DCAF8L2: variants seen among roughly 807,000 people sequenced by gnomAD.
DCAF8L2 encodes DDB1 and CUL4 associated factor 8 like 2, also known as DDB1- and CUL4-associated factor 8-like protein 2.
For synonymous variants in DCAF8L2, 200 were observed against 190.9 expected (o/e 1.05, Z -0.39); for missense variants, 430 against 490.7 (o/e 0.88, Z 1.17).
intron 2 of DCAF8L2, 48 bp from the exon 3 acceptor site, chrX:27,677,788 A>C (rs1414718447): frequency 8.9e-6 from 1 of 111,842 alleles, no homozygotes; most frequent in Non-Finnish European, 1.9e-5. Context: ...ACAGTAGATT[A>C]TCATAACCTT....
the DCAF8L2 span, among the ~76,000 whole-genome samples, chrX:27,552,604 C>T: frequency 2.4e-4 from 27 of 111,662 alleles, no homozygotes; most frequent in Non-Finnish European, 3.0e-4. Flanking sequence ...TCAGTTGGCT[C>T]TAGATACATG....
the DCAF8L2 span, among the ~76,000 whole-genome samples, chrX:27,537,578 T>G: frequency 8.9e-6 from 1 of 112,460 alleles, no homozygotes; most frequent in Non-Finnish European, 1.9e-5. Context: ...CCATTCATAA[T>G]CTGGCAAAGG....
chrX:27,591,657 T>A (rs1054311023), intron 1 of DCAF8L2, among the ~76,000 whole-genome samples: 5 of 111,972 alleles, frequency 4.5e-5, no homozygotes, highest in African/African-American at 1.6e-4. Flanking sequence ...AATATCTATA[T>A]CTGGAAAGCA....
intron 3 of DCAF8L2, among the ~76,000 whole-genome samples, chrX:27,688,193 T>C (rs2147250577): frequency 8.9e-6 from 1 of 112,085 alleles, no homozygotes; most frequent in South Asian, 3.7e-4. Context: ...AAAAATAGAA[T>C]GGGCTCATGA....
chrX:27,480,157 A>G, the DCAF8L2 span, among the ~76,000 whole-genome samples: 1 of 112,496 alleles, frequency 8.9e-6, no homozygotes, highest in Non-Finnish European at 1.9e-5. Flanking sequence ...AAATATATTT[A>G]TTCAACACAT....
At chrX:27,719,868 T>C (rs772801901) in intron 4 of DCAF8L2, among the ~76,000 whole-genome samples, 36 of 112,125 alleles carry the variant, frequency 3.2e-4, no homozygotes, top group African/African-American at 1.1e-3. Context: ...TCAATTTTGT[T>C]TCCTAAACCA....
chrX:27,584,722 C>T, the DCAF8L2 span, among the ~76,000 whole-genome samples: 7 of 111,685 alleles, frequency 6.3e-5, no homozygotes, highest in African/African-American at 9.8e-5. Context: ...CACATGTGCA[C>T]AGACCCACAC....
At chrX:27,533,479 TTAAGA>T in the DCAF8L2 span, among the ~76,000 whole-genome samples, 3 of 111,562 alleles carry the variant, frequency 2.7e-5, no homozygotes, top group African/African-American at 9.8e-5. Flanking sequence ...TTACATAGTA[TTAAGA>T]TATTTATTAA....
At chrX:27,519,821 T>A in the DCAF8L2 span, 1 of 378,516 alleles carries the variant, frequency 2.6e-6, no homozygotes, top group Non-Finnish European at 4.7e-6. Context: ...AATTATCATG[T>A]CATCTATAAA....
chrX:27,547,859 C>T, the DCAF8L2 span, among the ~76,000 whole-genome samples: 1 of 53,138 alleles, frequency 1.9e-5, no homozygotes, highest in African/African-American at 5.8e-5. Flanking sequence ...CTCTCTCTCT[C>T]TCTCTCTCTC....
At chrX:27,536,092 C>T in the DCAF8L2 span, among the ~76,000 whole-genome samples, 1 of 111,762 alleles carries the variant, frequency 8.9e-6, no homozygotes, top group African/African-American at 3.2e-5. Context: ...ATACTACCTC[C>T]ATAAATATGG....
At chrX:27,696,837 C>T (rs1930945205) in intron 3 of DCAF8L2, among the ~76,000 whole-genome samples, 1 of 111,551 alleles carries the variant, frequency 9.0e-6, no homozygotes, top group South Asian at 3.7e-4. Flanking sequence ...AGACAAAAAA[C>T]ACAATGGCAG....
At chrX:27,516,851 G>A in the DCAF8L2 span, among the ~76,000 whole-genome samples, 1 of 111,308 alleles carries the variant, frequency 9.0e-6, no homozygotes, top group Non-Finnish European at 1.9e-5. Context: ...AAAGGTCCAG[G>A]TTTTAAAAAA....
intron 1 of DCAF8L2, among the ~76,000 whole-genome samples, chrX:27,624,752 G>T (rs1320811772): frequency 1.8e-5 from 2 of 111,356 alleles, no homozygotes; most frequent in East Asian, 5.6e-4. Flanking sequence ...CAAGCAACGG[G>T]GAAAGAGTTC....
chrX:27,643,910 T>G (rs1928840109), intron 2 of DCAF8L2, among the ~76,000 whole-genome samples: 1 of 111,922 alleles, frequency 8.9e-6, no homozygotes, highest in Non-Finnish European at 1.9e-5. Context: ...AAAACTATAT[T>G]TCCTATAAAA....
At chrX:27,509,394 A>T in the DCAF8L2 span, among the ~76,000 whole-genome samples, 1 of 112,040 alleles carries the variant, frequency 8.9e-6, no homozygotes, top group South Asian at 3.7e-4. Context: ...GTCTGTTTAA[A>T]AACCTCTTTC....
At chrX:27,631,484 G>T (rs1928289034) in intron 1 of DCAF8L2, among the ~76,000 whole-genome samples, 1 of 112,484 alleles carries the variant, frequency 8.9e-6, no homozygotes, top group East Asian at 2.8e-4. Context: ...TTAGCCACGT[G>T]TGGCTATAAA....
At chrX:27,651,455 T>A (rs1277257522) in intron 2 of DCAF8L2, among the ~76,000 whole-genome samples, 1 of 110,869 alleles carries the variant, frequency 9.0e-6, no homozygotes, top group African/African-American at 3.3e-5. Context: ...TAAAATGATC[T>A]TTCAGATGAT....
At chrX:27,555,853 GC>G in the DCAF8L2 span, among the ~76,000 whole-genome samples, 3 of 111,001 alleles carry the variant, frequency 2.7e-5, no homozygotes, top group East Asian at 5.7e-4. Context: ...CTCTAGCCCT[GC>G]CTGGTGATCA....
Sources: gnomAD v4.1 joint callset for allele counts (sites outside exome capture counted in the v4.1 genomes callset) on GRCh38, gnomAD v4.1.1 for gene constraint, MANE v1.5 for transcripts, NCBI Gene and HGNC (gene_info 2026-07-23, HGNC 2026-07-21) for gene names.